Variants in PDE3B observed in about 807,000 individuals in gnomAD.
PDE3B encodes the protein phosphodiesterase 3B.
In PDE3B, 66 loss-of-function variants were observed where a neutral mutation model predicts 116.8. The ratio of observed to expected loss-of-function variants is 0.56; its 90% CI spans 0.46 to 0.69. The LOEUF (loss-of-function observed/expected upper bound fraction) is 0.69. PDE3B is among the 30% of genes least tolerant of loss of function. PDE3B has a pLI of 0.00. For missense variants in PDE3B, 1,384 were observed against 1,368.1 expected (o/e 1.01, Z -0.18); for synonymous variants, 595 against 533.6 (o/e 1.12, Z -1.59).
chr11:14,759,518 A>G (rs1857293108), intron 1 of PDE3B, among the ~76,000 whole-genome samples: 1 of 150,470 alleles, frequency 6.6e-6, no homozygotes, highest in Non-Finnish European at 1.5e-5. Flanking sequence ...CTGCTGCTGC[A>G]TAAAGTTGTT....
intron 1 of PDE3B, among the ~76,000 whole-genome samples, chr11:14,697,550 C>G (rs1233706981): frequency 2.6e-5 from 4 of 151,962 alleles, no homozygotes; most frequent in Non-Finnish European, 5.9e-5. Flanking sequence ...TAAAGATTGC[C>G]TTGGCTAGTC....
Position 14,685,308 on chromosome 11 carries a change from C to T in PDE3B, c.978+40255C>T, listed in dbSNP as rs112580001. On this transcript the variant is annotated intron_variant, in intron 1 of 15. Transcript: ENST00000282096. ...TTCCCGCAACATGAAAGTAGTTGTA[C>T]GAATCTATTGCACCACTCCCCCTGC... is the stretch of plus-strand genomic sequence containing the variant. Among the ~76,000 whole-genome samples, 765 of 152,116 alleles carry T rather than the reference C, an allele frequency of 5.0e-3. 10 individuals are homozygous for T. Among genetic ancestry groups the T allele is most frequent in the African/African-American group, 0.018 (740 of 41,488 alleles).
At chr11:14,893,586 T>G in the PDE3B span, among the ~76,000 whole-genome samples, 1 of 152,206 alleles carries the variant, frequency 6.6e-6, no homozygotes, top group African/African-American at 2.4e-5. Flanking sequence ...CTTGTCTTTT[T>G]CAGCTTCTAG....
intron 1 of PDE3B, among the ~76,000 whole-genome samples, chr11:14,759,260 G>C (rs932517575): frequency 6.6e-6 from 1 of 152,118 alleles, no homozygotes; most frequent in Non-Finnish European, 1.5e-5. Context: ...CCCGGCTTTG[G>C]TATCAGAATG....
chr11:14,843,774 G>C (rs1000244964), intron 11 of PDE3B, 53 bp from the exon 12 acceptor site: 7 of 1,405,170 alleles, frequency 5.0e-6, no homozygotes, highest in Admixed American at 1.7e-5. Context: ...TAGCAAAATT[G>C]TGAGGAATTT....
At chr11:14,658,882 A>G (rs1853800933) in intron 1 of PDE3B, among the ~76,000 whole-genome samples, 1 of 152,050 alleles carries the variant, frequency 6.6e-6, no homozygotes, top group African/African-American at 2.4e-5. Context: ...TATCTTATTT[A>G]TTTATGTGAC....
chr11:14,696,500 G>A (rs1429606394), intron 1 of PDE3B, among the ~76,000 whole-genome samples: 1 of 152,110 alleles, frequency 6.6e-6, no homozygotes, highest in Admixed American at 6.5e-5. Context: ...GTGTATATTT[G>A]TGTATCATTG....
intron 12 of PDE3B, among the ~76,000 whole-genome samples, chr11:14,851,242 A>C (rs1847743887): frequency 6.6e-6 from 1 of 151,940 alleles, no homozygotes; most frequent in South Asian, 2.1e-4. Flanking sequence ...TTCTAATTGG[A>C]TGCTTTATGA....
At position 14,865,083 on chromosome 11, in the gene PDE3B, C is replaced by T. The variant is rs549709635; in HGVS notation, c.2887-2423C>T. Reference sequence around the variant, plus strand: ...TTTTTGAAAAGATTAACAAAATAGACCACTAGCTAGACTAATAAAGAAAAG... The same window carrying T: ...TTTTTGAAAAGATTAACAAAATAGATCACTAGCTAGACTAATAAAGAAAAG... On this transcript the variant is annotated intron_variant, in intron 14 of 15. Coordinates refer to ENST00000282096, the MANE Select transcript of PDE3B (RefSeq NM_000922.4). 4.0e-4 allele frequency among the ~76,000 whole-genome samples: 61 copies of T among 151,934 alleles called. 1 individual carries two copies. In the South Asian group the frequency reaches 0.012, roughly 29 times the overall value.
intron 1 of PDE3B, among the ~76,000 whole-genome samples, chr11:14,745,697 T>C (rs1434014310): frequency 6.6e-6 from 1 of 152,194 alleles, no homozygotes; most frequent in East Asian, 1.9e-4. Flanking sequence ...TTTCCTCCTT[T>C]CCTCGCTATA....
intron 1 of PDE3B, among the ~76,000 whole-genome samples, chr11:14,760,381 CTGTGCTAG>C (rs1857325549): frequency 2.0e-5 from 3 of 152,174 alleles, no homozygotes; most frequent in African/African-American, 7.2e-5. Context: ...TGCGTACTCA[CTGTGCTAG>C]ATGCTATAAT....
intron 1 of PDE3B, among the ~76,000 whole-genome samples, chr11:14,742,573 A>G (rs1359084215): frequency 6.6e-6 from 1 of 152,148 alleles, no homozygotes; most frequent in Non-Finnish European, 1.5e-5. Context: ...CCACCTTCTG[A>G]AGCCTACTTC....
chr11:14,813,140 A>G (rs1242078595), intron 5 of PDE3B, among the ~76,000 whole-genome samples: 2 of 152,180 alleles, frequency 1.3e-5, no homozygotes, highest in African/African-American at 2.4e-5. Flanking sequence ...AGTCTATGGT[A>G]TTTTGTTATA....
chr11:14,819,100 AT>A lies in PDE3B; in HGVS notation c.1734-33del, dbSNP rs774089817. ...TGTTCAGGTAAAAAACTTGTACCTCATTTACCGTATATATTTATCTATTTTA... is the reference window on the plus strand; with the variant it reads ...TGTTCAGGTAAAAAACTTGTACCTCATTACCGTATATATTTATCTATTTTA... On this transcript the variant is annotated intron_variant, in intron 6 of 15. Transcript: ENST00000282096. The A allele has an allele frequency of 7.7e-6, 10 of 1,294,614 alleles. No individual in the cohort carries two copies. In the South Asian group the frequency reaches 1.3e-4, roughly 17 times the overall value. 80.2% of individuals were successfully genotyped at this position (1,294,614 alleles called of 1,614,324 possible).
chr11:14,735,995 T>A (rs1002625841), intron 1 of PDE3B, among the ~76,000 whole-genome samples: 10 of 151,436 alleles, frequency 6.6e-5, no homozygotes, highest in African/African-American at 2.2e-4. Flanking sequence ...TGTGTGTGTG[T>A]GACTCCTTAT....
At chr11:14,713,296 T>G (rs1855762726) in intron 1 of PDE3B, among the ~76,000 whole-genome samples, 1 of 152,240 alleles carries the variant, frequency 6.6e-6, no homozygotes, top group Non-Finnish European at 1.5e-5. Flanking sequence ...GTTAATTTTA[T>G]GTGTGAACCT....
intron 1 of PDE3B, among the ~76,000 whole-genome samples, chr11:14,703,410 G>A (rs1855431043): frequency 6.6e-6 from 1 of 151,306 alleles, no homozygotes; most frequent in Admixed American, 6.6e-5. Flanking sequence ...AAGCCCTGTA[G>A]GGTTGTCTTT....
chr11:14,778,060 G>T (rs938415867), intron 2 of PDE3B, among the ~76,000 whole-genome samples: 1 of 152,196 alleles, frequency 6.6e-6, no homozygotes, highest in East Asian at 1.9e-4. Flanking sequence ...ACGGAACCTC[G>T]CTCATTGCTA....
At chr11:14,819,683 A>G (rs1304425247) in intron 7 of PDE3B, among the ~76,000 whole-genome samples, 1 of 152,224 alleles carries the variant, frequency 6.6e-6, no homozygotes, top group East Asian at 1.9e-4. Flanking sequence ...GTAGTAGTTA[A>G]CTAAGTAACT....
Sources: allele counts gnomAD v4.1 joint callset (sites outside exome capture counted in the v4.1 genomes callset), GRCh38; gene constraint gnomAD v4.1.1; transcripts MANE v1.5; gene names NCBI Gene and HGNC (gene_info 2026-07-23, HGNC 2026-07-21).